LARGE1: variants seen among roughly 807,000 people sequenced by gnomAD.
The protein encoded by LARGE1 is xylosyl- and glucuronyltransferase LARGE1.
In LARGE1, 43 loss-of-function variants were observed where a neutral mutation model predicts 87.6. The ratio of observed to expected loss-of-function variants is 0.49; its 90% CI spans 0.38 to 0.63. The LOEUF is 0.63. LARGE1 is among the 30% of genes least tolerant of loss of function. The pLI, the probability that LARGE1 is intolerant of heterozygous loss-of-function variation, is 0.00. For missense variants in LARGE1, 802 were observed against 1,000.2 expected (o/e 0.80, Z 2.67); for synonymous variants, 434 against 394.6 (o/e 1.10, Z -1.18).
chr22:33,386,784 T>C (rs542222612), intron 7 of LARGE1, among the ~76,000 whole-genome samples: 1 of 148,930 alleles, frequency 6.7e-6, no homozygotes, highest in African/African-American at 2.4e-5. Context: ...TGGTGACTGA[T>C]TTAAGAAAAT....
At position 33,202,748 on chromosome 22, in the gene LARGE1, A is replaced by G. The variant is rs549945756; in HGVS notation, c.1731-35916T>C. Among the ~76,000 whole-genome samples the G allele has an allele frequency of 1.2e-3, 190 of 152,308 alleles. 1 individual carries two copies. Among genetic ancestry groups the G allele is most frequent in the Admixed American group, 3.7e-3 (56 of 15,310 alleles). The stretch of plus-strand genomic sequence containing the variant: ...ACCTAGAAACCCCACGAAGTTCTAC[A>G]GTGTTTACATCAATCCCTCAAATCT... On this transcript the variant is annotated intron_variant, in intron 11 of 11. Coordinates refer to the LARGE1 transcript ENST00000608642.
At chr22:33,321,283 C>G (rs1048710976) in intron 10 of LARGE1, among the ~76,000 whole-genome samples, 1 of 152,222 alleles carries the variant, frequency 6.6e-6, no homozygotes, top group African/African-American at 2.4e-5. Flanking sequence ...TCAAACCTCA[C>G]CTGAAGGAGA....
At chr22:33,695,643 A>C (rs1316590739) in intron 2 of LARGE1, among the ~76,000 whole-genome samples, 2 of 152,172 alleles carry the variant, frequency 1.3e-5, no homozygotes, top group Non-Finnish European at 1.5e-5. Flanking sequence ...ATGCATTTCA[A>C]AACAGTAAGA....
At chr22:33,502,450 C>G (rs1013546959) in intron 6 of LARGE1, among the ~76,000 whole-genome samples, 1 of 152,158 alleles carries the variant, frequency 6.6e-6, no homozygotes, top group African/African-American at 2.4e-5. Context: ...AACCACGGAG[C>G]AGGCATGCAG....
At chr22:33,122,401 C>G in the LARGE1 span, among the ~76,000 whole-genome samples, 3 of 150,030 alleles carry the variant, frequency 2.0e-5, no homozygotes, top group Non-Finnish European at 4.4e-5. Context: ...TCTTGTCGCC[C>G]AGGCTGGAGT....
intron 7 of LARGE1, among the ~76,000 whole-genome samples, chr22:33,413,268 T>C (rs915041132): frequency 6.6e-6 from 1 of 152,094 alleles, no homozygotes; most frequent in African/African-American, 2.4e-5. Flanking sequence ...AAGAGTGGTA[T>C]AATAATTTTT....
At chr22:33,285,035 C>T (rs1276744399) in intron 12 of LARGE1, among the ~76,000 whole-genome samples, 6 of 152,228 alleles carry the variant, frequency 3.9e-5, no homozygotes, top group African/African-American at 9.6e-5. Flanking sequence ...CGAACAAGGT[C>T]GTCATATACT....
At chr22:33,768,461 C>T (rs928722547) in intron 1 of LARGE1, among the ~76,000 whole-genome samples, 1 of 151,646 alleles carries the variant, frequency 6.6e-6, no homozygotes, top group Non-Finnish European at 1.5e-5. Flanking sequence ...CACACACACA[C>T]ACACAGTCTC....
intron 1 of LARGE1, among the ~76,000 whole-genome samples, chr22:33,817,611 A>G (rs1038554707): frequency 3.9e-5 from 6 of 152,150 alleles, no homozygotes; most frequent in African/African-American, 1.4e-4. Context: ...GAGAGGTAAC[A>G]GCAAAAGTCT....
intron 2 of LARGE1, among the ~76,000 whole-genome samples, chr22:33,675,316 A>AAAAAAAAAAAAC (rs2081541542): frequency 6.7e-6 from 1 of 148,340 alleles, no homozygotes; most frequent in Non-Finnish European, 1.5e-5. Context: ...AAAAAAAAAA[A>AAAAAAAAAAAAC]AAGAACACAA....
chr22:33,907,015 G>C (rs1397991647), intron 1 of LARGE1, among the ~76,000 whole-genome samples: 2 of 151,982 alleles, frequency 1.3e-5, no homozygotes, highest in Non-Finnish European at 1.5e-5. Flanking sequence ...AAAGGAAAAT[G>C]GCAAAAGCTA....
At chr22:33,831,755 C>CGT (rs1427857685) in intron 1 of LARGE1, among the ~76,000 whole-genome samples, 2 of 126,594 alleles carry the variant, frequency 1.6e-5, no homozygotes, top group Non-Finnish European at 3.5e-5. Flanking sequence ...CATGTACACA[C>CGT]ACACACACAC....
chr22:33,283,904 A>T (rs1931001242), intron 12 of LARGE1, among the ~76,000 whole-genome samples: 1 of 152,060 alleles, frequency 6.6e-6, no homozygotes, highest in Admixed American at 6.6e-5. Context: ...AAGAAAGAAA[A>T]AAGAAGGAAA....
intron 2 of LARGE1, among the ~76,000 whole-genome samples, chr22:33,741,935 C>G (rs1018715679): frequency 1.3e-5 from 2 of 152,186 alleles, no homozygotes; most frequent in African/African-American, 4.8e-5. Flanking sequence ...CCCAGCAGAA[C>G]CAGCTTCAGA....
intron 5 of LARGE1, among the ~76,000 whole-genome samples, chr22:33,595,075 T>A (rs1569299108): frequency 6.6e-6 from 1 of 152,160 alleles, no homozygotes; most frequent in Non-Finnish European, 1.5e-5. Context: ...AAATAAAACA[T>A]AATAAAACAC....
intron 1 of LARGE1, among the ~76,000 whole-genome samples, chr22:33,834,945 A>G (rs1247478781): frequency 6.6e-6 from 1 of 152,222 alleles, no homozygotes; most frequent in Non-Finnish European, 1.5e-5. Flanking sequence ...ACAAAGCTAC[A>G]GCTTTAGAAA....
chr22:33,418,540 T>C lies in LARGE1; in HGVS notation c.892+13621A>G, dbSNP rs142865025. On this transcript the variant is annotated intron_variant, in intron 7 of 14. Coordinates refer to ENST00000397394, the MANE Select transcript of LARGE1 (RefSeq NM_133642.5). ...AAGGGATGGAGACTGCCGCTTTGAA[T>C]AGGATGGCTAGGGAAGCCCACTCTG... Among the ~76,000 whole-genome samples the C allele has an allele frequency of 3.4e-3, 519 of 152,222 alleles. 3 individuals are homozygous for C. The highest frequency in any genetic ancestry group is 0.012 in the African/African-American group (497 of 41,540).
intron 9 of LARGE1, among the ~76,000 whole-genome samples, chr22:33,368,846 C>T (rs576002215): frequency 3.2e-4 from 48 of 152,244 alleles, no homozygotes; most frequent in African/African-American, 8.4e-4. Flanking sequence ...TAAAAAAATA[C>T]GTACTTTAAT....
chr22:33,563,752 T>C (rs944473798), intron 6 of LARGE1, among the ~76,000 whole-genome samples: 2 of 152,242 alleles, frequency 1.3e-5, no homozygotes, highest in Admixed American at 1.3e-4. Flanking sequence ...GATGTCATTG[T>C]TAGTGTCATT....
Sources: allele counts gnomAD v4.1 joint callset (sites outside exome capture counted in the v4.1 genomes callset), GRCh38; gene constraint gnomAD v4.1.1; transcripts MANE v1.5; gene names NCBI Gene and HGNC (gene_info 2026-07-23, HGNC 2026-07-21).